The following CLASP1 variants were observed in gnomAD, a reference collection of about 807,000 sequenced individuals.
CLASP1 encodes the protein cytoplasmic linker associated protein 1, also known as CLIP-associating protein 1.
Under a neutral mutation model 192.3 loss-of-function variants are expected in CLASP1, and 38 were observed. The observed-to-expected ratio is 0.20, with a 90% CI of 0.15 to 0.26. The LOEUF (loss-of-function observed/expected upper bound fraction) is 0.26. Among genes scored for constraint, CLASP1 ranks in the 10% least tolerant of loss-of-function variants. CLASP1 has a pLI of 1.00. For synonymous variants in CLASP1, 691 were observed against 712.8 expected (o/e 0.97, Z 0.49); for missense variants, 1,433 against 1,932.5 (o/e 0.74, Z 4.85).
intron 1 of CLASP1, among the ~76,000 whole-genome samples, chr2:121,634,282 G>A (rs2070381975): frequency 6.6e-6 from 1 of 152,194 alleles, no homozygotes; most frequent in South Asian, 2.1e-4. Flanking sequence ...GCTGAATGAT[G>A]ATTTTGATCA....
intron 9 of CLASP1, among the ~76,000 whole-genome samples, chr2:121,468,723 A>G (rs962185232): frequency 6.6e-6 from 1 of 152,180 alleles, no homozygotes; most frequent in Admixed American, 6.5e-5. Context: ...ATCTGCAAAT[A>G]AAGATAGTTT....
exon 2 of CLASP1, chr2:121,605,778 G>C (rs1250345067): frequency 1.2e-6 from 2 of 1,613,990 alleles, no homozygotes; most frequent in Admixed American, 1.7e-5. Context: ...TCATGCTCAA[G>C]GTCAGCAGAC....
intron 2 of CLASP1, among the ~76,000 whole-genome samples, chr2:121,585,772 C>T (rs1313347106): frequency 2.0e-5 from 3 of 152,008 alleles, no homozygotes; most frequent in Non-Finnish European, 2.9e-5. Context: ...TCGTGCGTAC[C>T]TGTAGTCCCA....
chr2:121,518,803 A>T (rs537959383), intron 6 of CLASP1, among the ~76,000 whole-genome samples: 50 of 152,020 alleles, frequency 3.3e-4, no homozygotes, highest in Non-Finnish European at 6.0e-4. Context: ...GCTTGAACCC[A>T]GGAGGCAGAG....
chr2:121,461,593 C>T (rs1050885749), intron 10 of CLASP1, among the ~76,000 whole-genome samples: 7 of 152,110 alleles, frequency 4.6e-5, no homozygotes, highest in African/African-American at 1.7e-4. Context: ...CACATCTTAC[C>T]TAGAAAACAG....
chr2:121,382,297 C>T (rs1445394926), exon 33 of CLASP1: 1 of 1,587,330 alleles, frequency 6.3e-7, no homozygotes, highest in Non-Finnish European at 8.6e-7. Context: ...GCTTCGCTAA[C>T]CCGTCGGCAC....
intron 9 of CLASP1, among the ~76,000 whole-genome samples, chr2:121,462,809 A>C (rs895723204): frequency 6.6e-6 from 1 of 152,168 alleles, no homozygotes; most frequent in Non-Finnish European, 1.5e-5. Context: ...TAATTCTACA[A>C]TGCTATATAC....
chr2:121,568,406 A>C (rs1328721558), intron 2 of CLASP1, among the ~76,000 whole-genome samples: 1 of 152,046 alleles, frequency 6.6e-6, no homozygotes, highest in African/African-American at 2.4e-5. Context: ...GACCCTCAGA[A>C]AACTCAGCCT....
At chr2:121,594,449 G>C (rs946366132) in intron 2 of CLASP1, among the ~76,000 whole-genome samples, 1 of 150,728 alleles carries the variant, frequency 6.6e-6, no homozygotes, top group African/African-American at 2.4e-5. Context: ...CTGGAGTGCA[G>C]TGGCATGATC....
chr2:121,482,730 T>C (rs1461932303), intron 8 of CLASP1, among the ~76,000 whole-genome samples: 1 of 152,174 alleles, frequency 6.6e-6, no homozygotes, highest in African/African-American at 2.4e-5. Context: ...TCTCCTGGAA[T>C]GACACTCACA....
At chr2:121,560,196 A>AG (rs1328950839) in intron 2 of CLASP1, among the ~76,000 whole-genome samples, 1 of 152,258 alleles carries the variant, frequency 6.6e-6, no homozygotes, top group Non-Finnish European at 1.5e-5. Flanking sequence ...AATACTACAG[A>AG]ATACAGTGCA....
At chr2:121,641,061 G>A (rs1453198057) in intron 1 of CLASP1, among the ~76,000 whole-genome samples, 2 of 152,214 alleles carry the variant, frequency 1.3e-5, no homozygotes, top group Non-Finnish European at 2.9e-5. Flanking sequence ...CATCAGAGAA[G>A]GAGCTGTTTT....
chr2:121,367,464 A>T (rs2067647609), intron 35 of CLASP1, 124 bp downstream of exon 36: 1 of 1,286,766 alleles, frequency 7.8e-7, no homozygotes, highest in African/African-American at 1.5e-5. Flanking sequence ...ACAAATGACT[A>T]AGCAGAAAGA....
In CLASP1 at chr2:121,476,238, C is replaced by A. The variant is rs139149610; in HGVS notation, c.713-6278G>T. Among the ~76,000 whole-genome samples, 18 of 152,290 alleles carry A rather than the reference C, an allele frequency of 1.2e-4. No individual in the cohort carries two copies. In the East Asian group the frequency reaches 3.3e-3, roughly 28 times the overall value. On this transcript the variant is annotated intron_variant, in intron 8 of 39. Coordinates refer to ENST00000263710, the Ensembl canonical transcript of CLASP1. ...GGCTGAGGGATAGCCAGGGCCAGCA[C>A]TAGGAGGTCAGAACCAGTCCCTTCA... is the stretch of plus-strand genomic sequence containing the variant.
chr2:121,514,891 C>T (rs2150344315), intron 7 of CLASP1, among the ~76,000 whole-genome samples: 1 of 152,240 alleles, frequency 6.6e-6, no homozygotes, highest in Admixed American at 6.5e-5. Context: ...TGTAATCTCT[C>T]AAAAGTCACT....
chr2:121,609,585 G>A (rs2064923463), intron 1 of CLASP1, among the ~76,000 whole-genome samples: 1 of 152,080 alleles, frequency 6.6e-6, no homozygotes, highest in Non-Finnish European at 1.5e-5. Context: ...AAATTCACAA[G>A]GTACAAAAGT....
chr2:121,443,607 G>A (rs1330136812), intron 19 of CLASP1, among the ~76,000 whole-genome samples: 4 of 152,164 alleles, frequency 2.6e-5, no homozygotes, highest in African/African-American at 9.7e-5. Context: ...TCCTCATCAG[G>A]ACAGAGGTTT....
chr2:121,562,677 G>A (rs1266953896), intron 2 of CLASP1, among the ~76,000 whole-genome samples: 2 of 152,160 alleles, frequency 1.3e-5, no homozygotes, highest in African/African-American at 4.8e-5. Context: ...TCAAACATAA[G>A]CACAGAAGCA....
chr2:121,411,433 G>A (rs2077689449), intron 23 of CLASP1, among the ~76,000 whole-genome samples: 1 of 152,168 alleles, frequency 6.6e-6, no homozygotes. Flanking sequence ...ATTTTTATTA[G>A]TGTCACTTCT....
Sources: gnomAD v4.1 joint callset for allele counts (sites outside exome capture counted in the v4.1 genomes callset) on GRCh38, gnomAD v4.1.1 for gene constraint, MANE v1.5 for transcripts, NCBI Gene and HGNC (gene_info 2026-07-23, HGNC 2026-07-21) for gene names.